The following TEAD1 variants were observed in gnomAD, a reference collection of about 807,000 sequenced individuals.
TEAD1 encodes transcriptional enhancer factor TEF-1.
A neutral mutation model predicts 54.9 loss-of-function variants in TEAD1; 9 were observed. That is an observed-to-expected ratio of 0.16 (90% CI 0.10 to 0.29). The LOEUF is 0.29. Ranked by LOEUF, TEAD1 falls within the 10% of genes least tolerant of loss-of-function variation. The probability of loss-of-function intolerance (pLI) is 1.00; values close to 1 mark genes in which losing one functional copy is unlikely to be tolerated. For missense variants in TEAD1, 387 were observed against 535.9 expected, an observed-to-expected ratio of 0.72 and a Z score of 2.74; for synonymous variants, 200 against 187.8, an observed-to-expected ratio of 1.07 and a Z score of -0.53.
chr11:12,783,917 G>C (rs893575943), intron 3 of TEAD1, among the ~76,000 whole-genome samples: 1 of 152,116 alleles, frequency 6.6e-6, no homozygotes, highest in Non-Finnish European at 1.5e-5. Context: ...ACTTTTCTGT[G>C]TATGCAGCAT....
intron 3 of TEAD1, among the ~76,000 whole-genome samples, chr11:12,841,026 C>T (rs774055385): frequency 1.3e-5 from 2 of 152,116 alleles, no homozygotes; most frequent in Non-Finnish European, 2.9e-5. Context: ...TCTGCTAAAG[C>T]CTTTTAACAT....
chr11:12,753,014 T>A (rs1944908199), intron 2 of TEAD1, among the ~76,000 whole-genome samples: 2 of 151,242 alleles, frequency 1.3e-5, no homozygotes, highest in African/African-American at 4.9e-5. Flanking sequence ...CTAATTTTTT[T>A]TTTTTTTTTT....
At chr11:12,878,956 T>C (rs1222077394) in intron 5 of TEAD1, 2 of 1,251,438 alleles carry the variant, frequency 1.6e-6, no homozygotes, top group Non-Finnish European at 2.1e-6. Context: ...TGGCAGACTT[T>C]TTTGGCTAGC....
rs1313891627 is a variant in TEAD1 at position 12,938,566 on chromosome 11, T to A, written c.*1344T>A. On this transcript the variant is annotated 3_prime_UTR_variant, in exon 13 of 13. Coordinates refer to ENST00000527636, the MANE Select transcript of TEAD1 (RefSeq NM_021961.6). ...CTTAGATACATCCTCTTGAAGCACA[T>A]CCATTTCTTTAGCGTCTCTCAGTAA... 6.6e-6 allele frequency: 1 copy of A among 152,248 alleles called. No individual in the cohort carries two copies. The highest frequency in any genetic ancestry group is 6.5e-5 in the Admixed American group (1 of 15,284). The allele number at this position is 152,248 out of a possible 1,614,324, so 9.4% of individuals were successfully genotyped here. A position where few individuals can be genotyped will look rare whatever the true frequency, so the allele number is the denominator to read the frequency against.
Position 12,734,783 on chromosome 11 carries a change from A to G in TEAD1, c.-54-29396A>G, listed in dbSNP as rs575906215. ...GCCTAGATGTGTAGTAGGATATACC[A>G]TGTAGGTTTGTGTAACTGTGCTCTG... On this transcript the variant is annotated intron_variant, in intron 2 of 12. Transcript: ENST00000527636. Among the ~76,000 whole-genome samples the G allele has an allele frequency of 1.0e-3, 156 of 152,340 alleles. 2 individuals carry two copies. The highest frequency in any genetic ancestry group is 3.6e-3 in the African/African-American group (150 of 41,580).
At chr11:12,716,216 G>A (rs1488725131) in intron 2 of TEAD1, among the ~76,000 whole-genome samples, 1 of 152,030 alleles carries the variant, frequency 6.6e-6, no homozygotes, top group Non-Finnish European at 1.5e-5. Flanking sequence ...CTCCTTTTCT[G>A]TTGCATTGGA....
At chr11:12,790,537 T>C (rs956569782) in intron 3 of TEAD1, among the ~76,000 whole-genome samples, 3 of 152,224 alleles carry the variant, frequency 2.0e-5, no homozygotes, top group African/African-American at 7.2e-5. Context: ...TATTAAACTT[T>C]GACAAATGGG....
rs1484670095 is a variant in TEAD1, at chr11:12,704,197, C to A, written c.-55+28636C>A. 3.3e-5 allele frequency among the ~76,000 whole-genome samples: 5 copies of A among 152,230 alleles called. No individual in the cohort carries two copies. In the South Asian group the frequency reaches 1.0e-3, roughly 32 times the overall value. On this transcript the variant is annotated intron_variant, in intron 2 of 12. Coordinates refer to ENST00000527636, the MANE Select transcript of TEAD1 (RefSeq NM_021961.6). ...AGAGGAAGATGACGAATGTATTAGA[C>A]AAGCCTTCTGCCAAGCACAGGAAGA...
chr11:12,939,585 C>A lies in TEAD1; in HGVS notation c.*2363C>A. On this transcript the variant is annotated 3_prime_UTR_variant, in exon 13 of 13. Transcript: ENST00000527636. ...CTGTTGGCACAGAGACGGGGACAGC[C>A]CAGTCTGCTGACCTCACAGGGTCAG... 1 of 152,352 alleles carries A rather than the reference C, an allele frequency of 6.6e-6. No homozygotes were observed. The allele number at this position is 152,352 out of a possible 1,614,324, so 9.4% of individuals were successfully genotyped here.
At chr11:12,833,848 G>A (rs747575107) in intron 3 of TEAD1, among the ~76,000 whole-genome samples, 4 of 152,064 alleles carry the variant, frequency 2.6e-5, no homozygotes, top group Non-Finnish European at 4.4e-5. Context: ...TCCCATAGGT[G>A]CCTCCCGAAT....
chr11:12,794,440 A>T (rs933343949), intron 3 of TEAD1, among the ~76,000 whole-genome samples: 1 of 152,322 alleles, frequency 6.6e-6, no homozygotes, highest in East Asian at 1.9e-4. Flanking sequence ...AAGAAAAAAG[A>T]AAAAAACAGC....
intron 9 of TEAD1, among the ~76,000 whole-genome samples, chr11:12,884,836 G>T (rs1321156316): frequency 6.6e-6 from 1 of 152,182 alleles, no homozygotes; most frequent in Non-Finnish European, 1.5e-5. Flanking sequence ...ATCCGTCTAG[G>T]TGGAAGGCAT....
intron 10 of TEAD1, among the ~76,000 whole-genome samples, chr11:12,922,265 C>T (rs1176823054): frequency 2.2e-5 from 1 of 46,364 alleles, no homozygotes; most frequent in Non-Finnish European, 4.5e-5. Flanking sequence ...GGCGGGATCT[C>T]GGCTCACTGC....
At chr11:12,749,735 T>A (rs1944827055) in intron 2 of TEAD1, among the ~76,000 whole-genome samples, 1 of 152,158 alleles carries the variant, frequency 6.6e-6, no homozygotes, top group South Asian at 2.1e-4. Context: ...CTTAGAGTGG[T>A]CTTGTGCCCA....
chr11:12,747,227 C>T (rs1391456054), intron 2 of TEAD1, among the ~76,000 whole-genome samples: 1 of 151,942 alleles, frequency 6.6e-6, no homozygotes, highest in African/African-American at 2.4e-5. Context: ...GAGTGGGGTG[C>T]AGAAATGAAT....
At chr11:12,749,683 C>T (rs969457296) in intron 2 of TEAD1, among the ~76,000 whole-genome samples, 5 of 152,190 alleles carry the variant, frequency 3.3e-5, no homozygotes, top group Admixed American at 2.6e-4. Context: ...TTGGACTGGG[C>T]GTCTTGCCCC....
chr11:12,779,446 T>C (rs997704119), intron 3 of TEAD1, among the ~76,000 whole-genome samples: 6 of 152,232 alleles, frequency 3.9e-5, no homozygotes, highest in African/African-American at 1.4e-4. Flanking sequence ...GCCACTTCAC[T>C]GGCTGTGTAA....
intron 3 of TEAD1, among the ~76,000 whole-genome samples, chr11:12,796,070 A>G (rs1288595035): frequency 1.3e-5 from 2 of 152,258 alleles, no homozygotes; most frequent in South Asian, 2.1e-4. Context: ...TTTTATTTCC[A>G]CAGTAGTGCA....
intron 2 of TEAD1, among the ~76,000 whole-genome samples, chr11:12,727,332 A>C (rs1221444407): frequency 2.0e-5 from 3 of 152,168 alleles, no homozygotes; most frequent in Non-Finnish European, 4.4e-5. Flanking sequence ...CTGACGCAGG[A>C]GAGGCAGCTC....
Sources: allele counts gnomAD v4.1 joint callset (sites outside exome capture counted in the v4.1 genomes callset), GRCh38; gene constraint gnomAD v4.1.1; transcripts MANE v1.5; gene names NCBI Gene and HGNC (gene_info 2026-07-23, HGNC 2026-07-21).